Variants in SPTBN1 observed in about 807,000 individuals in gnomAD.
SPTBN1 encodes spectrin beta, non-erythrocytic 1.
In SPTBN1, 32 loss-of-function variants were observed where a neutral mutation model predicts 266.4. The observed-to-expected ratio is 0.12, with a 90% CI of 0.09 to 0.16. The LOEUF (loss-of-function observed/expected upper bound fraction) is 0.16, where lower values mean the gene tolerates loss of function less well. SPTBN1 is among the 10% of genes least tolerant of loss of function. SPTBN1 has a pLI of 1.00. For missense variants in SPTBN1, 2,296 were observed against 3,067.1 expected, an observed-to-expected ratio of 0.75 and a Z score of 5.94; for synonymous variants, 1,336 against 1,162.2, an observed-to-expected ratio of 1.15 and a Z score of -3.04.
At chr2:54,636,538 A>G (rs185498817) in intron 17 of SPTBN1, among the ~76,000 whole-genome samples, 50 of 151,976 alleles carry the variant, frequency 3.3e-4, no homozygotes, top group Non-Finnish European at 5.7e-4. Context: ...ATGCATCTCT[A>G]CTCTAAGATC....
intron 3 of SPTBN1, among the ~76,000 whole-genome samples, chr2:54,600,470 T>C (rs1288217076): frequency 2.0e-5 from 3 of 152,154 alleles, no homozygotes; most frequent in Admixed American, 1.3e-4. Context: ...CTCAAAACCA[T>C]GATGGCTATA....
At chr2:54,633,810 A>G (rs1451895301) in intron 17 of SPTBN1, among the ~76,000 whole-genome samples, 2 of 152,182 alleles carry the variant, frequency 1.3e-5, no homozygotes, top group Non-Finnish European at 1.5e-5. Context: ...AGATGGGTGG[A>G]GAGGGGATTA....
chr2:54,632,246 AAG>A (rs984202649), intron 16 of SPTBN1, among the ~76,000 whole-genome samples: 4 of 152,128 alleles, frequency 2.6e-5, no homozygotes, highest in Non-Finnish European at 5.9e-5. Flanking sequence ...TACTGTCTCA[AAG>A]AGAGAGTATG....
chr2:54,661,297 T>C, intron 32 of SPTBN1: 2 of 985,880 alleles, frequency 2.0e-6, no homozygotes, highest in Non-Finnish European at 2.4e-6. Flanking sequence ...CAAAACCAAA[T>C]CCATATTATA....
At chr2:54,543,929 A>G (rs968706300) in intron 2 of SPTBN1, among the ~76,000 whole-genome samples, 6 of 152,134 alleles carry the variant, frequency 3.9e-5, no homozygotes, top group Non-Finnish European at 7.3e-5. Context: ...TTGGTCCTTC[A>G]TGGGGGTTAT....
intron 1 of SPTBN1, among the ~76,000 whole-genome samples, chr2:54,463,859 A>T (rs57916707): frequency 1.4e-4 from 22 of 152,344 alleles, no homozygotes; most frequent in African/African-American, 5.3e-4. Context: ...AATCTGATTT[A>T]TATATATGTA....
chr2:54,670,830 T>A lies in SPTBN1; in HGVS notation c.*2261T>A. The A allele has an allele frequency of 2.5e-6, 1 of 398,584 alleles. No homozygotes were observed. Among genetic ancestry groups the A allele is most frequent in the Non-Finnish European group, 4.4e-6 (1 of 226,072 alleles). 24.7% of individuals were successfully genotyped at this position (398,584 alleles called of 1,614,324 possible). On this transcript the variant is annotated 3_prime_UTR_variant, in exon 36 of 36. Transcript: ENST00000356805. ...ATAAGGATCCACTGAGGCCTGAATG[T>A]GGAAGATGATGGGCAGCGAGAGGAG...
chr2:54,464,182 C>T (rs549854603), intron 1 of SPTBN1, among the ~76,000 whole-genome samples: 2 of 152,268 alleles, frequency 1.3e-5, no homozygotes, highest in Admixed American at 1.3e-4. Context: ...TGAAATCTCA[C>T]ATGTAGCTTG....
intron 1 of SPTBN1, among the ~76,000 whole-genome samples, chr2:54,498,182 G>A (rs1475596322): frequency 6.6e-6 from 1 of 152,226 alleles, no homozygotes; most frequent in Non-Finnish European, 1.5e-5. Flanking sequence ...GGCAGCAAGA[G>A]AGTAGCAGCT....
In SPTBN1 at chr2:54,666,175, AT is replaced by A. The variant is rs1255178598; in HGVS notation, c.6833+89del. On this transcript the variant is annotated intron_variant, in intron 34 of 35. Transcript: ENST00000356805. ...TTGGTTTTCTTATACAGCTGCTGTG[AT>A]TAGTTGGTTCTGTCTTCTGCCATTT... 1.0e-5 allele frequency: 14 copies of A among 1,357,596 alleles called. No homozygotes were observed. In the East Asian group the frequency reaches 3.3e-4, roughly 32 times the overall value. The allele number at this position is 1,357,596 out of a possible 1,614,324, so 84.1% of individuals were successfully genotyped here. A position where few individuals can be genotyped will look rare whatever the true frequency, so the allele number is the denominator to read the frequency against.
chr2:54,651,528 CA>C (rs1680288886), intron 26 of SPTBN1, among the ~76,000 whole-genome samples: 1 of 152,192 alleles, frequency 6.6e-6, no homozygotes, highest in African/African-American at 2.4e-5. Flanking sequence ...CCTTTTGTGC[CA>C]ACTTGAAGTG....
At position 54,558,407 on chromosome 2, in the gene SPTBN1, C is replaced by G. The variant is rs1214915704; in HGVS notation, c.148+31841C>G. 9.8e-7 allele frequency: 1 copy of G among 1,015,598 alleles called. No individual in the cohort carries two copies. Among genetic ancestry groups the G allele is most frequent in the Non-Finnish European group, 1.2e-6 (1 of 849,658 alleles). 62.9% of individuals were successfully genotyped at this position (1,015,598 alleles called of 1,614,324 possible). A position where few individuals can be genotyped will look rare whatever the true frequency, so the allele number is the denominator to read the frequency against. On this transcript the variant is annotated intron_variant, in intron 2 of 35. Coordinates refer to ENST00000356805, the MANE Select transcript of SPTBN1 (RefSeq NM_003128.3). This position sits in a 1 kb window ranked among gnomAD's most constrained non-coding sequence, Gnocchi z 4.6. The stretch of plus-strand genomic sequence containing the variant: ...CAGCTGGGAGGAGGTGTGCGCGCTG[C>G]GCCCGCGAGCTCCCGGGCTCGGCAA...
chr2:54,508,212 A>T (rs561467396), intron 1 of SPTBN1, among the ~76,000 whole-genome samples: 1 of 152,270 alleles, frequency 6.6e-6, no homozygotes, highest in East Asian at 1.9e-4. Context: ...CAAACCGAGG[A>T]ACTATGTCTG....
chr2:54,602,291 T>C (rs576655147), intron 3 of SPTBN1, among the ~76,000 whole-genome samples: 10 of 152,290 alleles, frequency 6.6e-5, no homozygotes, highest in Non-Finnish European at 1.0e-4. Context: ...GCTGGCCACT[T>C]AGTAATTAGA....
chr2:54,656,670 C>A (rs1680685851), intron 29 of SPTBN1, among the ~76,000 whole-genome samples: 1 of 152,144 alleles, frequency 6.6e-6, no homozygotes, highest in South Asian at 2.1e-4. Flanking sequence ...GTTCTAACTC[C>A]ATCTATGCAT....
intron 1 of SPTBN1, among the ~76,000 whole-genome samples, chr2:54,522,678 G>GAGAGAGAGAGAGAGAGAGAGA (rs370803474): frequency 1.3e-5 from 1 of 78,628 alleles, no homozygotes; most frequent in Admixed American, 1.4e-4. Flanking sequence ...GAGAGAGAGA[G>GAGAGAGAGAGAGAGAGAGAGA]GAGAGAGAGA....
At chr2:54,472,769 C>T (rs1432292271) in intron 1 of SPTBN1, among the ~76,000 whole-genome samples, 1 of 152,032 alleles carries the variant, frequency 6.6e-6, no homozygotes, top group East Asian at 1.9e-4. Flanking sequence ...CTGAATATGA[C>T]ATTTTTAAAA....
At chr2:54,480,423 A>G (rs1291223998) in intron 1 of SPTBN1, among the ~76,000 whole-genome samples, 1 of 152,192 alleles carries the variant, frequency 6.6e-6, no homozygotes, top group African/African-American at 2.4e-5. Context: ...TGAACAACAC[A>G]TCGTTTTTTA....
chr2:54,661,505 A>G (rs1681041376), intron 32 of SPTBN1: 10 of 985,766 alleles, frequency 1.0e-5, no homozygotes, highest in Middle Eastern at 5.2e-4. Context: ...CTCTATGTAC[A>G]TATCTATCTA....
Sources: allele counts gnomAD v4.1 joint callset (sites outside exome capture counted in the v4.1 genomes callset), GRCh38; gene constraint gnomAD v4.1.1; non-coding constraint Gnocchi (gnomAD v3.1); transcripts MANE v1.5; gene names NCBI Gene and HGNC (gene_info 2026-07-23, HGNC 2026-07-21).